Variants in FOXP2 observed in about 807,000 individuals in gnomAD.
FOXP2 encodes the protein forkhead box P2, also known as forkhead box protein P2.
FOXP2 carries 12 observed loss-of-function variants against 115.8 expected under a neutral mutation model. The ratio of observed to expected loss-of-function variants is 0.10; its 90% confidence interval spans 0.07 to 0.17. FOXP2 has a LOEUF of 0.17. FOXP2 is among the 10% of genes least tolerant of loss of function. The pLI is 1.00. For missense variants in FOXP2, 629 were observed against 843.5 expected (o/e 0.75, Z 3.15); for synonymous variants, 328 against 297.7 (o/e 1.10, Z -1.05).
At chr7:114,547,540 G>A (rs1325928508) in intron 3 of FOXP2, among the ~76,000 whole-genome samples, 2 of 152,134 alleles carry the variant, frequency 1.3e-5, no homozygotes, top group South Asian at 4.1e-4. Context: ...GGCGGGTCAC[G>A]AGGTCAGGAG....
intron 2 of FOXP2, among the ~76,000 whole-genome samples, chr7:114,326,426 T>G (rs1797559048): frequency 2.6e-5 from 4 of 151,996 alleles, no homozygotes; most frequent in Admixed American, 2.6e-4. Context: ...ATGGGAAGAG[T>G]GAAAATCGTT....
At chr7:114,563,699 A>T (rs1332762933) in intron 3 of FOXP2, among the ~76,000 whole-genome samples, 1 of 152,116 alleles carries the variant, frequency 6.6e-6, no homozygotes, top group East Asian at 1.9e-4. Flanking sequence ...TTGTCACCTG[A>T]ACTTAAGTCT....
rs79545786 is a variant in FOXP2 at position 114,270,518 on chromosome 7, T to C, written c.-101-17501T>C. On this transcript the variant is annotated intron_variant, in intron 1 of 17. Coordinates refer to the FOXP2 transcript ENST00000634411. ...GTGTATTGGATTTTGGGTATTCTAA[T>C]AGATATGTAGTGGTATCTGATTATT... Among the ~76,000 whole-genome samples, 767 of 152,296 alleles carry C rather than the reference T, an allele frequency of 5.0e-3. 4 individuals are homozygous for C. The highest frequency in any genetic ancestry group is 0.017 in the African/African-American group (718 of 41,576).
intron 2 of FOXP2, among the ~76,000 whole-genome samples, chr7:114,434,312 A>T (rs775402212): frequency 5.3e-5 from 8 of 151,848 alleles, no homozygotes; most frequent in Non-Finnish European, 1.0e-4. Context: ...GATTAGTGAG[A>T]AATCCTTATT....
At chr7:114,099,919 C>T (rs1799740173) in intron 1 of FOXP2, among the ~76,000 whole-genome samples, 1 of 152,124 alleles carries the variant, frequency 6.6e-6, no homozygotes, top group Non-Finnish European at 1.5e-5. Flanking sequence ...CTGGTCCTGC[C>T]AGCAAATCAA....
intron 6 of FOXP2, among the ~76,000 whole-genome samples, chr7:114,637,258 C>A (rs10281569): frequency 0.11 from 17,435 of 152,106 alleles, 1,104 homozygotes; most frequent in Middle Eastern, 0.18. Flanking sequence ...TGGTAAAAAC[C>A]TTTTAATATT....
intron 1 of FOXP2, among the ~76,000 whole-genome samples, chr7:114,228,572 A>G (rs1794798207): frequency 6.6e-6 from 1 of 151,976 alleles, no homozygotes; most frequent in Non-Finnish European, 1.5e-5. Flanking sequence ...CATGAAGATT[A>G]TAGTAGTACA....
intron 2 of FOXP2, among the ~76,000 whole-genome samples, chr7:114,520,996 G>A (rs1200481334): frequency 2.0e-5 from 3 of 152,120 alleles, no homozygotes; most frequent in Non-Finnish European, 4.4e-5. Context: ...AATGGGAAAA[G>A]TCTAAATATC....
At chr7:114,181,935 A>T (rs1025428472) in intron 1 of FOXP2, among the ~76,000 whole-genome samples, 1 of 152,108 alleles carries the variant, frequency 6.6e-6, no homozygotes, top group African/African-American at 2.4e-5. Flanking sequence ...TTCTCAAAAA[A>T]GGTATGAAGC....
intron 2 of FOXP2, among the ~76,000 whole-genome samples, chr7:114,531,144 G>C (rs1799123138): frequency 6.6e-6 from 1 of 151,790 alleles, no homozygotes; most frequent in Non-Finnish European, 1.5e-5. Flanking sequence ...ATTGGAAACA[G>C]ACTCAATCAT....
chr7:114,344,688 T>G (rs1489413435), intron 2 of FOXP2, among the ~76,000 whole-genome samples: 1 of 151,828 alleles, frequency 6.6e-6, no homozygotes, highest in Non-Finnish European at 1.5e-5. Context: ...ATGTTTAAGA[T>G]CATAAAATTG....
chr7:114,308,846 G>A (rs955677505), intron 2 of FOXP2, among the ~76,000 whole-genome samples: 3 of 152,144 alleles, frequency 2.0e-5, no homozygotes, highest in Non-Finnish European at 2.9e-5. Context: ...AGACTGAAAC[G>A]GTGCCATTGT....
rs972393522 is a variant in FOXP2, at chr7:114,166,662, G to A, written c.-102+3574G>A. Reference sequence around the variant, plus strand: ...AGAGGTTGCAATGAACCAAGATTGCGCCACTGCACTCCCGCCTGGGTGACA... The same window carrying A: ...AGAGGTTGCAATGAACCAAGATTGCACCACTGCACTCCCGCCTGGGTGACA... On this transcript the variant is annotated intron_variant, in intron 1 of 17. Coordinates refer to the FOXP2 transcript ENST00000634411. Among the ~76,000 whole-genome samples, 49 of 152,124 alleles carry A rather than the reference G, an allele frequency of 3.2e-4. 1 individual carries two copies. The highest frequency in any genetic ancestry group is 4.4e-4 in the Non-Finnish European group (30 of 67,982).
At chr7:114,536,967 C>T (rs1468429933) in intron 3 of FOXP2, among the ~76,000 whole-genome samples, 1 of 151,488 alleles carries the variant, frequency 6.6e-6, no homozygotes. Flanking sequence ...ATTAAAACTC[C>T]AATAAAAGCT....
chr7:114,588,628 G>T (rs1010602252), intron 3 of FOXP2, among the ~76,000 whole-genome samples: 1 of 152,108 alleles, frequency 6.6e-6, no homozygotes, highest in Non-Finnish European at 1.5e-5. Context: ...GGTTGGATTT[G>T]TCTTTAGAGA....
At chr7:114,272,856 G>T (rs1044193951) in intron 1 of FOXP2, among the ~76,000 whole-genome samples, 1 of 151,588 alleles carries the variant, frequency 6.6e-6, no homozygotes, top group African/African-American at 2.4e-5. Context: ...GGATAAAGGC[G>T]CCTCAATTTT....
chr7:114,329,932 C>A (rs2129182743), intron 2 of FOXP2, among the ~76,000 whole-genome samples: 1 of 152,282 alleles, frequency 6.6e-6, no homozygotes, highest in Admixed American at 6.5e-5. Context: ...ACCTCAGCCT[C>A]CCAAAGTGCT....
chr7:114,537,669 C>T (rs750877235), intron 3 of FOXP2, among the ~76,000 whole-genome samples: 6 of 151,466 alleles, frequency 4.0e-5, no homozygotes, highest in Non-Finnish European at 5.9e-5. Context: ...ATTAGCATGT[C>T]TAATGCAAAA....
At chr7:114,086,419 G>A (rs925219489), upstream of FOXP2, 2 of 343,380 alleles carry the variant, frequency 5.8e-6, no homozygotes, top group South Asian at 2.1e-5. Context: ...GCCCGCGAAC[G>A]CCCGCCCCGG....
Sources: allele counts gnomAD v4.1 joint callset (sites outside exome capture counted in the v4.1 genomes callset), GRCh38; gene constraint gnomAD v4.1.1; transcripts MANE v1.5; gene names NCBI Gene and HGNC (gene_info 2026-07-23, HGNC 2026-07-21).